APPBP2: variants seen among roughly 807,000 people sequenced by gnomAD.
APPBP2 encodes the protein amyloid protein-binding protein 2.
Under a neutral mutation model 76.0 loss-of-function variants are expected in APPBP2, and 15 were observed. That is an observed-to-expected ratio of 0.20 (90% CI 0.13 to 0.30). APPBP2 has a LOEUF of 0.30. APPBP2 is among the 10% of genes least tolerant of loss of function. The probability of loss-of-function intolerance (pLI) is 1.00; values close to 1 mark genes in which losing one functional copy is unlikely to be tolerated. For missense variants in APPBP2, 401 were observed against 687.2 expected (o/e 0.58, Z 4.66); for synonymous variants, 222 against 242.2 (o/e 0.92, Z 0.77).
intron 1 of APPBP2, among the ~76,000 whole-genome samples, chr17:60,525,261 A>T (rs1442864214): frequency 6.6e-6 from 1 of 152,252 alleles, no homozygotes; most frequent in African/African-American, 2.4e-5. Flanking sequence ...TAAAACACAC[A>T]GATTATTTCC....
At position 60,454,437 on chromosome 17, in the gene APPBP2, C is replaced by G. The variant is rs2090417958; in HGVS notation, c.1203G>C (p.Arg401Ser). ...GCAAATCATGAGCTTCTTGAAGCAG[C>G]CTCTGTTCAGTTTCCTTATTATGAC... ...IDCHNKETEQ[R>S]LLQEAHDLHL... Residue 401 changes from arginine (R) to serine (S), a missense_variant, in exon 11 of 13, where the codon AGG becomes AGC. By Grantham distance (110) the Arg-to-Ser change is moderately radical. Around this residue, in one of 5 missense-constraint regions of APPBP2, gnomAD observed 130 missense variants for 322.7 expected, o/e 0.40. Coordinates refer to ENST00000083182, the MANE Select transcript of APPBP2 (RefSeq NM_006380.5). 1 of 1,609,500 alleles carries G rather than the reference C, an allele frequency of 6.2e-7. No homozygotes were observed. Among genetic ancestry groups the G allele is most frequent in the Admixed American group, 1.7e-5 (1 of 59,076 alleles).
chr17:60,508,859 G>A (rs1349934136), intron 1 of APPBP2, among the ~76,000 whole-genome samples: 3 of 152,178 alleles, frequency 2.0e-5, no homozygotes, highest in Non-Finnish European at 4.4e-5. Flanking sequence ...AGGTGTTTCT[G>A]AGGGGAGATG....
chr17:60,501,996 ATAGT>A (rs1164949484), intron 1 of APPBP2, among the ~76,000 whole-genome samples: 4 of 152,238 alleles, frequency 2.6e-5, no homozygotes, highest in South Asian at 2.1e-4. Flanking sequence ...TCTTCATGTA[ATAGT>A]TAGACATTTA....
rs2090348661 is a variant in APPBP2, at chr17:60,446,569, A to C, written c.*1012T>G. 6.6e-6 allele frequency: 1 copy of C among 152,210 alleles called. No individual in the cohort carries two copies. The highest frequency in any genetic ancestry group is 2.1e-4 in the South Asian group (1 of 4,830). The allele number at this position is 152,210 out of a possible 1,614,324, so 9.4% of individuals were successfully genotyped here. ...TGAACTATTTCATGACACACAGCCA[A>C]TATACTTGTTAACTGCATTGATTAT... is the stretch of plus-strand genomic sequence containing the variant. On this transcript the variant is annotated 3_prime_UTR_variant, in exon 13 of 13. Transcript: ENST00000083182.
At chr17:60,498,518 T>A (rs145782324) in intron 2 of APPBP2, among the ~76,000 whole-genome samples, 2 of 152,270 alleles carry the variant, frequency 1.3e-5, no homozygotes, top group African/African-American at 4.8e-5. Flanking sequence ...AGCTAAAAAG[T>A]GGAAACAGCC....
intron 1 of APPBP2, among the ~76,000 whole-genome samples, chr17:60,505,557 C>T (rs923171085): frequency 1.3e-5 from 2 of 152,128 alleles, no homozygotes; most frequent in African/African-American, 2.4e-5. Flanking sequence ...CCTTGTGATC[C>T]GCCCACCGTG....
In APPBP2 at chr17:60,464,075, A is replaced by G. The variant is rs1336380834; in HGVS notation, c.708T>C (p.Ile236=). Residue 236 remains isoleucine, a synonymous_variant, in exon 6 of 13, where the codon ATT becomes ATC. Transcript: ENST00000083182. ...YKWCIEAMKE[I]TAGLPVKVVV... ...CAACTTTCACTGGTAAGCCTGCTGTAATTTCTTTCATTGCCTCGATGCACC... is the reference window on the plus strand; with the variant it reads ...CAACTTTCACTGGTAAGCCTGCTGTGATTTCTTTCATTGCCTCGATGCACC... 3 of 1,612,310 alleles carry G rather than the reference A, an allele frequency of 1.9e-6. No individual in the cohort carries two copies. The highest frequency in any genetic ancestry group is 2.5e-6 in the Non-Finnish European group (3 of 1,179,358).
chr17:60,499,538 A>G (rs1567936124), intron 2 of APPBP2, among the ~76,000 whole-genome samples: 2 of 152,192 alleles, frequency 1.3e-5, no homozygotes, highest in East Asian at 3.8e-4. Context: ...GAATTACCAT[A>G]TAATCCAGCA....
At chr17:60,449,226 T>C (rs777667915) in intron 12 of APPBP2, among the ~76,000 whole-genome samples, 1 of 152,280 alleles carries the variant, frequency 6.6e-6, no homozygotes, top group Non-Finnish European at 1.5e-5. Flanking sequence ...AGTCAATATA[T>C]TATAGATAAT....
chr17:60,507,412 G>C (rs1230220719), intron 1 of APPBP2, among the ~76,000 whole-genome samples: 1 of 152,026 alleles, frequency 6.6e-6, no homozygotes, highest in African/African-American at 2.4e-5. Context: ...AGTAGAGATG[G>C]GATTTTGCCA....
rs1480611852 is a variant in APPBP2, at chr17:60,461,751, A to C, written c.936+59T>G. ...TTAGAGTGGTTTATACACCACAAAC[A>C]AATACAGGTCAGCAAGTCAATACAG... On this transcript the variant is annotated intron_variant, in intron 8 of 12. Transcript: ENST00000083182. The C allele has an allele frequency of 2.3e-6, 3 of 1,305,258 alleles. No individual in the cohort carries two copies. In the East Asian group the frequency reaches 6.9e-5, roughly 30 times the overall value. 80.9% of individuals were successfully genotyped at this position (1,305,258 alleles called of 1,614,324 possible).
chr17:60,485,225 T>C (rs2090663936), intron 3 of APPBP2, among the ~76,000 whole-genome samples: 1 of 152,200 alleles, frequency 6.6e-6, no homozygotes, highest in Admixed American at 6.5e-5. Context: ...CCTCATAAAA[T>C]GAGTTAGGGA....
intron 9 of APPBP2, 166 bp downstream of exon 9, chr17:60,460,497 C>CATTTAAAATGT (rs1363631307): frequency 1.1e-5 from 7 of 645,398 alleles, no homozygotes; most frequent in Non-Finnish European, 1.6e-5. Flanking sequence ...TTTTAAATGA[C>CATTTAAAATGT]TTCAAGAACA....
intron 1 of APPBP2, among the ~76,000 whole-genome samples, chr17:60,525,048 G>C (rs1446503527): frequency 6.6e-6 from 1 of 152,134 alleles, no homozygotes; most frequent in Non-Finnish European, 1.5e-5. Context: ...TCAGATTTTT[G>C]AGGGGGAGTG....
At chr17:60,462,948 CAAA>C (rs59889728) in intron 6 of APPBP2, among the ~76,000 whole-genome samples, 1 of 65,474 alleles carries the variant, frequency 1.5e-5, no homozygotes, top group Non-Finnish European at 3.5e-5. Context: ...GACTCCATCT[CAAA>C]AAAAAAAAAA....
chr17:60,522,167 C>T (rs1054620255), intron 1 of APPBP2, among the ~76,000 whole-genome samples: 1 of 152,168 alleles, frequency 6.6e-6, no homozygotes, highest in Admixed American at 6.5e-5. Flanking sequence ...TTCTTTTACA[C>T]ATTTTTAGTC....
chr17:60,505,741 T>C (rs1446409099), intron 1 of APPBP2, among the ~76,000 whole-genome samples: 3 of 138,260 alleles, frequency 2.2e-5, no homozygotes, highest in South Asian at 4.6e-4. Flanking sequence ...GGCTAGAGTG[T>C]AGTGGTGCCA....
chr17:60,525,713 T>C (rs1308372949), intron 1 of APPBP2, 81 bp downstream of exon 1: 4 of 1,593,290 alleles, frequency 2.5e-6, no homozygotes, highest in Non-Finnish European at 3.4e-6. Flanking sequence ...AGGGGTTAAC[T>C]GCGGGGGTTC....
chr17:60,500,710 T>C (rs1272465581), intron 1 of APPBP2, among the ~76,000 whole-genome samples: 1 of 152,174 alleles, frequency 6.6e-6, no homozygotes, highest in African/African-American at 2.4e-5. Context: ...ACCTGGAACA[T>C]GGCAAGTACT....
Sources: allele counts gnomAD v4.1 joint callset (sites outside exome capture counted in the v4.1 genomes callset), GRCh38; gene constraint gnomAD v4.1.1; regional missense constraint gnomAD v4.1.1; transcripts MANE v1.5; gene names NCBI Gene and HGNC (gene_info 2026-07-23, HGNC 2026-07-21).